Variants in EFHC1 observed in about 807,000 individuals in gnomAD.
EFHC1 encodes EF-hand domain containing 1, also known as EF-hand domain-containing protein 1.
A neutral mutation model predicts 69.9 loss-of-function variants in EFHC1; 53 were observed. The ratio of observed to expected loss-of-function variants is 0.76; its 90% confidence interval spans 0.61 to 0.95. EFHC1 has a LOEUF of 0.95. Among genes scored for constraint, EFHC1 ranks in the 40% least tolerant of loss-of-function variants. EFHC1 has a pLI of 0.00. For synonymous variants in EFHC1, 256 were observed against 278.4 expected, an observed-to-expected ratio of 0.92 and a Z score of 0.80; for missense variants, 739 against 798.7, an observed-to-expected ratio of 0.93 and a Z score of 0.90.
intron 2 of EFHC1, among the ~76,000 whole-genome samples, chr6:52,427,925 TC>T (rs79712586): frequency 0.13 from 19,811 of 152,028 alleles, 1,355 homozygotes; most frequent in Middle Eastern, 0.25. Context: ...TCTGAGCACT[TC>T]CTGGGAGTTA....
At chr6:52,479,995 C>G (rs911871296) in intron 9 of EFHC1, 15 of 795,718 alleles carry the variant, frequency 1.9e-5, no homozygotes, top group African/African-American at 3.5e-5. Context: ...TACAGTTGAC[C>G]CTTGAACAAT....
chr6:52,486,653 T>C (rs1319918071), intron 9 of EFHC1: 1 of 152,240 alleles, frequency 6.6e-6, no homozygotes, highest in Non-Finnish European at 1.5e-5. Flanking sequence ...AATGTGGGCT[T>C]CATCAGTTTT....
chr6:52,475,880 G>T (rs1161560768), intron 7 of EFHC1, among the ~76,000 whole-genome samples: 5 of 152,206 alleles, frequency 3.3e-5, no homozygotes, highest in Non-Finnish European at 7.3e-5. Context: ...ATAAGGATAG[G>T]TAGTAACATG....
At chr6:52,433,361 C>T (rs765031090) in intron 2 of EFHC1, among the ~76,000 whole-genome samples, 15 of 152,172 alleles carry the variant, frequency 9.9e-5, no homozygotes, top group Non-Finnish European at 1.8e-4. Context: ...TTTTGTCCCA[C>T]GGGGTGTTCC....
rs188024400 is a variant in EFHC1 at position 52,494,350 on chromosome 6, T to C, written c.*2009T>C. On this transcript the variant is annotated 3_prime_UTR_variant, in exon 11 of 11. Coordinates refer to ENST00000371068, the MANE Select transcript of EFHC1 (RefSeq NM_018100.4). ...AAGCCTGTGGTAAAGAGTGTGTGTA[T>C]ACTGGGGTGATGATAGTGGTTTCTT... The C allele has an allele frequency of 2.2e-6, 1 of 454,102 alleles. No individual in the cohort carries two copies. Among genetic ancestry groups the C allele is most frequent in the East Asian group, 6.9e-5 (1 of 14,402 alleles). The allele number at this position is 454,102 out of a possible 1,614,324, so 28.1% of individuals were successfully genotyped here. A position where few individuals can be genotyped will look rare whatever the true frequency, so the allele number is the denominator to read the frequency against.
chr6:52,479,901 A>T, intron 9 of EFHC1, 114 bp downstream of exon 9: 3 of 1,488,078 alleles, frequency 2.0e-6, no homozygotes, highest in Non-Finnish European at 2.7e-6. Context: ...CCAGGTGGGA[A>T]TTATTAGATA....
At chr6:52,445,449 C>G (rs573912189) in intron 3 of EFHC1, among the ~76,000 whole-genome samples, 4 of 149,272 alleles carry the variant, frequency 2.7e-5, no homozygotes, top group African/African-American at 7.4e-5. Flanking sequence ...TCCCTCCCCC[C>G]TCCCCCTACC....
intron 9 of EFHC1, chr6:52,485,109 A>G (rs552445248): frequency 2.0e-5 from 3 of 152,240 alleles, no homozygotes; most frequent in Non-Finnish European, 4.4e-5. Flanking sequence ...AACAAATATG[A>G]TAGCTCTCCA....
At chr6:52,442,907 C>T (rs1385698800) in intron 3 of EFHC1, among the ~76,000 whole-genome samples, 2 of 152,186 alleles carry the variant, frequency 1.3e-5, no homozygotes, top group Non-Finnish European at 2.9e-5. Context: ...TTTACATTCC[C>T]ACCAACAGTG....
intron 9 of EFHC1, chr6:52,488,311 G>A (rs1765828826): frequency 6.6e-6 from 1 of 152,118 alleles, no homozygotes; most frequent in African/African-American, 2.4e-5. Flanking sequence ...AATTAATAAT[G>A]CCAGAGAGCA....
At chr6:52,453,025 T>C (rs747093279) in intron 4 of EFHC1, 188 bp downstream of exon 4, 12 of 1,531,586 alleles carry the variant, frequency 7.8e-6, no homozygotes, top group Admixed American at 2.0e-5. Context: ...CTACATTTCA[T>C]ATGGAGATCC....
chr6:52,423,910 C>T lies in EFHC1; in HGVS notation c.64-36C>T, dbSNP rs550019546. On this transcript the variant is annotated intron_variant, in intron 1 of 10. Transcript: ENST00000371068. Reference sequence around the variant, plus strand: ...TTTTTTTTACCTAACAAATATTTGTCTAATGTTATTAATGACACATTCTTT... The same window carrying T: ...TTTTTTTTACCTAACAAATATTTGTTTAATGTTATTAATGACACATTCTTT... 5 of 1,611,444 alleles carry T rather than the reference C, an allele frequency of 3.1e-6. No individual in the cohort carries two copies. The East Asian group carries it at 6.7e-5, about 22-fold the overall frequency.
At position 52,424,023 on chromosome 6, in the gene EFHC1, A is replaced by G; in HGVS notation, c.141A>G (p.Ile47Met). 2 of 1,614,206 alleles carry G rather than the reference A, an allele frequency of 1.2e-6. No individual in the cohort carries two copies. Among genetic ancestry groups the G allele is most frequent in the South Asian group, 1.1e-5 (1 of 91,088 alleles). Reference sequence around the variant, plus strand: ...TTGTTCGACGTCCAACAGTTGGGATAGGCGGAGACCGGCTCCAGTTCAACC... The same window carrying G: ...TTGTTCGACGTCCAACAGTTGGGATGGGCGGAGACCGGCTCCAGTTCAACC... Reference protein sequence around the residue: ...YAIVRRPTVGIGGDRLQFNQL... With the variant: ...YAIVRRPTVGMGGDRLQFNQL... Residue 47 changes from isoleucine to methionine, a missense_variant, in exon 2 of 11, where the codon ATA becomes ATG. Ile to Met is a conservative substitution (Grantham distance 10). Transcript: ENST00000371068.
intron 9 of EFHC1, chr6:52,486,376 A>G (rs1562464773): frequency 6.6e-6 from 1 of 152,132 alleles, no homozygotes; most frequent in Non-Finnish European, 1.5e-5. Flanking sequence ...TTATTAACCT[A>G]CCTTCCACAG....
intron 3 of EFHC1, among the ~76,000 whole-genome samples, chr6:52,446,679 G>GT (rs1373749679): frequency 6.6e-6 from 1 of 152,166 alleles, no homozygotes; most frequent in African/African-American, 2.4e-5. Flanking sequence ...AATTTGGCAT[G>GT]TTTTTGCAGT....
chr6:52,422,729 A>C (rs1029075503), intron 1 of EFHC1, among the ~76,000 whole-genome samples: 1 of 152,244 alleles, frequency 6.6e-6, no homozygotes, highest in Non-Finnish European at 1.5e-5. Flanking sequence ...TTGCCTTTCT[A>C]CTCTTTTTTA....
rs1347019781 is a variant in EFHC1, at chr6:52,467,672, C to G, written c.1138-1661C>G. ...GTTGGTTGTTTTGCTCTATCCCAGCCCTTTTGTATAATAAAACTAATTTTA... is the reference window on the plus strand; with the variant it reads ...GTTGGTTGTTTTGCTCTATCCCAGCGCTTTTGTATAATAAAACTAATTTTA... On this transcript the variant is annotated intron_variant, in intron 6 of 10. Coordinates refer to ENST00000371068, the MANE Select transcript of EFHC1 (RefSeq NM_018100.4). Among the ~76,000 whole-genome samples the G allele has an allele frequency of 2.6e-5, 4 of 152,096 alleles. No individual in the cohort carries two copies. In the South Asian group the frequency reaches 6.2e-4, roughly 24 times the overall value.
Position 52,476,426 on chromosome 6 carries a change from A to G in EFHC1, c.1279-2611A>G, listed in dbSNP as rs185138744. On this transcript the variant is annotated intron_variant, in intron 7 of 10. Transcript: ENST00000371068. ...CAGATAAGATCCAGCAATGGCTGCT[A>G]AAATTAGTGGGAAAACCTTTGAGGA... Among the ~76,000 whole-genome samples, 382 of 152,314 alleles carry G rather than the reference A, an allele frequency of 2.5e-3. 1 individual carries two copies. Among genetic ancestry groups the G allele is most frequent in the Admixed American group, 3.4e-3 (52 of 15,302 alleles).
intron 3 of EFHC1, among the ~76,000 whole-genome samples, chr6:52,449,791 T>C (rs2113990946): frequency 6.6e-6 from 1 of 152,350 alleles, no homozygotes; most frequent in Non-Finnish European, 1.5e-5. Context: ...TGAATGGTTT[T>C]TTGTGTCTTG....
Sources: gnomAD v4.1 joint callset for allele counts (sites outside exome capture counted in the v4.1 genomes callset) on GRCh38, gnomAD v4.1.1 for gene constraint, MANE v1.5 for transcripts, NCBI Gene and HGNC (gene_info 2026-07-23, HGNC 2026-07-21) for gene names.